The following SLC27A1 variants were observed in gnomAD, a reference collection of about 807,000 sequenced individuals.
SLC27A1 encodes the protein long-chain fatty acid transport protein 1.
SLC27A1 carries 61 observed loss-of-function variants against 62.2 expected under a neutral mutation model. That is an observed-to-expected ratio of 0.98 (90% CI 0.80 to 1.21). SLC27A1 has a LOEUF of 1.21. Ranked by LOEUF, SLC27A1 falls within the 50% of genes most tolerant of loss-of-function variation. SLC27A1 has a pLI of 0.00. For missense variants in SLC27A1, 903 were observed against 932.1 expected, an observed-to-expected ratio of 0.97 and a Z score of 0.41; for synonymous variants, 435 against 408.6, an observed-to-expected ratio of 1.06 and a Z score of -0.78.
At chr19:17,489,479 C>T (rs980015068) in intron 6 of SLC27A1, among the ~76,000 whole-genome samples, 2 of 118,130 alleles carry the variant, frequency 1.7e-5, no homozygotes, top group Non-Finnish European at 3.8e-5. Context: ...CACGTGTAAA[C>T]TCAATGCAAT....
At position 17,487,051 on chromosome 19, in the gene SLC27A1, C is replaced by T. The variant is rs778270294; in HGVS notation, c.562+94C>T. ...TGCGCCCCAGGCCTCGGAAGGCGGC[C>T]GCCCTGGACGTGGGCATGAGGTGCA... On this transcript the variant is annotated intron_variant, in intron 2 of 11. Coordinates refer to ENST00000252595, the MANE Select transcript of SLC27A1 (RefSeq NM_198580.3). 8 of 1,551,354 alleles carry T rather than the reference C, an allele frequency of 5.2e-6. No homozygotes were observed. In the African/African-American group the frequency reaches 9.5e-5, roughly 18 times the overall value.
Position 17,486,554 on chromosome 19 carries a change from C to G in SLC27A1, c.168-9C>G. 1.3e-6 allele frequency: 2 copies of G among 1,568,676 alleles called. No individual in the cohort carries two copies. The highest frequency in any genetic ancestry group is 2.3e-5 in the East Asian group (1 of 42,904). ...CCAGTGACGCTGTCCCCTCCGTCCT[C>G]CCTCCCAGCGGTCTCTCTGTGCTGA... On this transcript the variant is annotated splice_polypyrimidine_tract_variant and intron_variant, in intron 1 of 11. Coordinates refer to ENST00000252595, the MANE Select transcript of SLC27A1 (RefSeq NM_198580.3). The surrounding 1 kb of genome is among the most constrained non-coding windows in gnomAD (Gnocchi z 6.6).
intron 1 of SLC27A1, among the ~76,000 whole-genome samples, chr19:17,471,102 A>G (rs996318471): frequency 6.6e-6 from 1 of 151,234 alleles, no homozygotes; most frequent in Admixed American, 6.6e-5. Flanking sequence ...TGGAGCCGTG[A>G]TAACTGTGAG....
In SLC27A1 at chr19:17,499,976, C is replaced by T. The variant is rs117320302; in HGVS notation, c.1207-302C>T. On this transcript the variant is annotated intron_variant, in intron 7 of 11. Coordinates refer to ENST00000252595, the MANE Select transcript of SLC27A1 (RefSeq NM_198580.3). Reference sequence around the variant, plus strand: ...GCAGGTGAAGCTCTGCAGTGTCTGACGTAGCTGTAGTGTCCACACAGAGGC... The same window carrying T: ...GCAGGTGAAGCTCTGCAGTGTCTGATGTAGCTGTAGTGTCCACACAGAGGC... 8.0e-3 allele frequency: 3,148 copies of T among 395,914 alleles called. 17 individuals carry two copies. The highest frequency in any genetic ancestry group is 0.011 in the Non-Finnish European group (2,410 of 218,680). The allele number at this position is 395,914 out of a possible 1,614,324, so 24.5% of individuals were successfully genotyped here.
intron 1 of SLC27A1, chr19:17,484,081 C>T (rs1336598797): frequency 6.6e-6 from 1 of 152,236 alleles, no homozygotes; most frequent in Non-Finnish European, 1.5e-5. Context: ...GATGCTCTGT[C>T]CCCAGAGCTG....
Position 17,504,518 on chromosome 19 carries a change from A to ACCGG in SLC27A1, c.1849_1852dup (p.Leu618ProfsTer17). 6.2e-7 allele frequency: 1 copy of ACCGG among 1,614,210 alleles called. No homozygotes were observed. On this transcript the variant is annotated frameshift_variant, in exon 12 of 12. Transcript: ENST00000252595. LOFTEE classifies it low-confidence loss of function (END_TRUNC). ...GGCTTTGACCCACGCCAGACCTCAG[A>ACCGG]CCGGCTCTTCTTCCTGGACCTGAAG...
chr19:17,497,565 C>T (rs757130520), intron 7 of SLC27A1, 101 bp downstream of exon 7: 9 of 1,121,408 alleles, frequency 8.0e-6, no homozygotes, highest in South Asian at 1.3e-5. Context: ...CCTGGACTGG[C>T]GCGGAAGGCT....
In SLC27A1 at chr19:17,497,422, C is replaced by T. The variant is rs2075362180; in HGVS notation, c.1164C>T (p.Gly388=). The T allele has an allele frequency of 3.1e-6, 5 of 1,605,484 alleles. No homozygotes were observed. Among genetic ancestry groups the T allele is most frequent in the East Asian group, 2.3e-5 (1 of 43,998 alleles). The part of the protein sequence containing the change: ...FGVRQIGEFY[G]ATECNCSIAN... ...TACGCCAAATCGGGGAGTTCTACGG[C>T]GCCACCGAGTGCAACTGCAGCATTG... is the stretch of plus-strand genomic sequence containing the variant. Residue 388 remains glycine, a synonymous_variant, in exon 7 of 12, where the codon GGC becomes GGT. Transcript: ENST00000252595.
At chr19:17,478,923 A>C (rs949262851) in intron 1 of SLC27A1, among the ~76,000 whole-genome samples, 1 of 151,888 alleles carries the variant, frequency 6.6e-6, no homozygotes, top group Non-Finnish European at 1.5e-5. Context: ...GGGAACATGC[A>C]TGTTGGCAAT....
chr19:17,489,812 T>C (rs2075277450), intron 6 of SLC27A1: 1 of 152,398 alleles, frequency 6.6e-6, no homozygotes, highest in Admixed American at 6.5e-5. Flanking sequence ...AGGGTTTCAG[T>C]GCTGTAATGT....
At chr19:17,500,215 A>C in intron 7 of SLC27A1, 63 bp from the exon 8 acceptor site, 1 of 1,578,782 alleles carries the variant, frequency 6.3e-7, no homozygotes, top group Non-Finnish European at 8.6e-7. Flanking sequence ...AGGCAGGCAA[A>C]GTGTTACTGA....
chr19:17,491,382 G>GGACATTTCAGATCAATGGA (rs1370336606), intron 6 of SLC27A1, among the ~76,000 whole-genome samples: 2 of 151,212 alleles, frequency 1.3e-5, no homozygotes, highest in Non-Finnish European at 2.9e-5. Flanking sequence ...TGCCTGTTCT[G>GGACATTTCAGATCAATGGA]GACATTTCAG....
rs373934173 is a variant in SLC27A1 at position 17,487,539 on chromosome 19, C to A, written c.794+10C>A. On this transcript the variant is annotated intron_variant, in intron 4 of 11. Coordinates refer to ENST00000252595, the MANE Select transcript of SLC27A1 (RefSeq NM_198580.3). ...TTGTCGTGCACAGCAGGTGAGGGGC[C>A]CACAGGCATAATGCCCTCAGCCGCT... The A allele has an allele frequency of 1.8e-5, 29 of 1,610,470 alleles. No individual in the cohort carries two copies. The African/African-American group carries it at 3.6e-4, about 20-fold the overall frequency.
chr19:17,486,957 G>A lies in SLC27A1; in HGVS notation c.562G>A (p.Ala188Thr). 1 of 1,567,764 alleles carries A rather than the reference G, an allele frequency of 6.4e-7. No individual in the cohort carries two copies. The highest frequency in any genetic ancestry group is 1.2e-5 in the South Asian group (1 of 85,784). The change falls in exon 2 of 12, where the codon GCG becomes ACG. Residue 188 changes from alanine to threonine, a missense_variant and splice_region_variant. By Grantham distance (58) the Ala-to-Thr change is moderately conservative. Transcript: ENST00000252595. This position sits in a 1 kb window ranked among gnomAD's most constrained non-coding sequence, Gnocchi z 6.6. ...GATCTTTGGAGGAGAAATGGTGGCG[G>A]GTGAGGCCAGGCGTGGGCATCAGGT... is the stretch of plus-strand genomic sequence containing the variant. ...ALIFGGEMVA[A>T]VAEVSGHLGK...
chr19:17,499,142 TC>T, intron 7 of SLC27A1: 1 of 210,718 alleles, frequency 4.7e-6, no homozygotes. Flanking sequence ...CCTTTCCCGG[TC>T]CACTAAGTAG....
chr19:17,472,479 G>A (rs376068524), intron 1 of SLC27A1, among the ~76,000 whole-genome samples: 20 of 151,724 alleles, frequency 1.3e-4, no homozygotes, highest in Non-Finnish European at 2.1e-4. Flanking sequence ...CCCAGCCTCC[G>A]CTTACTTCCC....
chr19:17,469,040 C>G (rs1054311399), upstream of SLC27A1: 2 of 152,244 alleles, frequency 1.3e-5, no homozygotes, highest in Non-Finnish European at 2.9e-5. Flanking sequence ...TGTGCGTGCC[C>G]CCAGGCCAGC....
intron 10 of SLC27A1, 64 bp downstream of exon 10, chr19:17,500,940 C>A: frequency 6.7e-7 from 1 of 1,483,806 alleles, no homozygotes; most frequent in Non-Finnish European, 9.0e-7. Flanking sequence ...CCAAAAGGGG[C>A]TTAGAAGTAC....
Position 17,486,819 on chromosome 19 carries a change from G to C in SLC27A1, c.424G>C (p.Val142Leu). The change falls in exon 2 of 12, where the codon GTG becomes CTG. Residue 142 changes from valine (V) to leucine (L), a missense_variant. By Grantham distance (32) the Val-to-Leu change is conservative. Transcript: ENST00000252595. The surrounding 1 kb of genome is among the most constrained non-coding windows in gnomAD (Gnocchi z 6.6). ...AIFLEGRPEFVGLWLGLAKAG... is the reference protein window; with the variant it reads ...AIFLEGRPEFLGLWLGLAKAG... ...CTTCCTGGAGGGCCGGCCGGAGTTC[G>C]TGGGGCTGTGGCTGGGCCTGGCCAA... The C allele has an allele frequency of 6.3e-7, 1 of 1,594,300 alleles. No homozygotes were observed. The highest frequency in any genetic ancestry group is 8.5e-7 in the Non-Finnish European group (1 of 1,173,626).
Sources: allele counts gnomAD v4.1 joint callset (sites outside exome capture counted in the v4.1 genomes callset), GRCh38; gene constraint gnomAD v4.1.1; non-coding constraint Gnocchi (gnomAD v3.1); transcripts MANE v1.5; gene names NCBI Gene and HGNC (gene_info 2026-07-23, HGNC 2026-07-21).